Variants in LARGE1 observed in about 807,000 individuals in gnomAD.
LARGE1 encodes the protein xylosyl- and glucuronyltransferase LARGE1.
A neutral mutation model predicts 87.6 loss-of-function variants in LARGE1; 43 were observed. The ratio of observed to expected loss-of-function variants is 0.49; its 90% CI spans 0.38 to 0.63. The LOEUF is 0.63. Among genes scored for constraint, LARGE1 ranks in the 30% least tolerant of loss-of-function variants. The pLI, the probability that LARGE1 is intolerant of heterozygous loss-of-function variation, is 0.00. For synonymous variants in LARGE1, 434 were observed against 394.6 expected, an observed-to-expected ratio of 1.10 and a Z score of -1.18; for missense variants, 802 against 1,000.2, an observed-to-expected ratio of 0.80 and a Z score of 2.67.
At chr22:33,361,881 A>C (rs1359073662) in intron 9 of LARGE1, among the ~76,000 whole-genome samples, 1 of 149,056 alleles carries the variant, frequency 6.7e-6, no homozygotes, top group African/African-American at 2.5e-5. Context: ...GAGAGCAGGA[A>C]CCATGGCTCA....
chr22:33,553,898 C>G (rs568532451), intron 6 of LARGE1, among the ~76,000 whole-genome samples: 26 of 152,180 alleles, frequency 1.7e-4, no homozygotes, highest in Non-Finnish European at 3.2e-4. Flanking sequence ...CCGTGAGAGT[C>G]TGAGCCCTGT....
chr22:33,889,976 G>A (rs1346123985), intron 1 of LARGE1, among the ~76,000 whole-genome samples: 1 of 152,212 alleles, frequency 6.6e-6, no homozygotes, highest in Non-Finnish European at 1.5e-5. Context: ...TGTCAGTGCT[G>A]AAAGGGAGGC....
chr22:33,215,431 C>T (rs1281721942), intron 11 of LARGE1, among the ~76,000 whole-genome samples: 1 of 152,018 alleles, frequency 6.6e-6, no homozygotes, highest in African/African-American at 2.4e-5. Flanking sequence ...TTATCTTTCC[C>T]TTTTTAACTC....
At chr22:33,384,755 T>C (rs2065269381) in intron 7 of LARGE1, among the ~76,000 whole-genome samples, 1 of 148,450 alleles carries the variant, frequency 6.7e-6, no homozygotes, top group Admixed American at 6.7e-5. Flanking sequence ...ACACGGTAAA[T>C]TTATGTTATG....
chr22:33,726,813 T>C (rs1299647807), intron 2 of LARGE1, among the ~76,000 whole-genome samples: 2 of 152,118 alleles, frequency 1.3e-5, no homozygotes, highest in South Asian at 2.1e-4. Context: ...ACTGGGGGAA[T>C]TGGGGTGCAG....
chr22:33,114,565 C>G, the LARGE1 span, among the ~76,000 whole-genome samples: 1 of 152,218 alleles, frequency 6.6e-6, no homozygotes, highest in Admixed American at 6.5e-5. Context: ...AAAAACTCAT[C>G]ATCCAGAGAC....
At chr22:33,850,969 G>A (rs2063567352) in intron 1 of LARGE1, among the ~76,000 whole-genome samples, 1 of 152,160 alleles carries the variant, frequency 6.6e-6, no homozygotes, top group African/African-American at 2.4e-5. Context: ...AGGTTCCTAT[G>A]GCAACCCCCA....
chr22:33,535,339 T>G (rs1272313337), intron 6 of LARGE1, among the ~76,000 whole-genome samples: 1 of 151,604 alleles, frequency 6.6e-6, no homozygotes, highest in African/African-American at 2.4e-5. Context: ...AGGTCAGGAG[T>G]TTGAGATCAG....
At chr22:33,117,164 T>C in the LARGE1 span, among the ~76,000 whole-genome samples, 2 of 152,242 alleles carry the variant, frequency 1.3e-5, no homozygotes, top group Non-Finnish European at 2.9e-5. Flanking sequence ...ACCTTCCTAG[T>C]TACCTTCCTA....
In LARGE1 at chr22:33,586,312, T is replaced by A. The variant is rs573139155; in HGVS notation, c.615+18123A>T. 3.9e-5 allele frequency among the ~76,000 whole-genome samples: 6 copies of A among 152,310 alleles called. No homozygotes were observed. In the East Asian group the frequency reaches 1.2e-3, roughly 29 times the overall value. On this transcript the variant is annotated intron_variant, in intron 5 of 14. Transcript: ENST00000397394. ...TGTGGGTGCTCTTCTACCTGGATTATCCCTTGCAAGTCCTTCTTACAGAGA... is the reference window on the plus strand; with the variant it reads ...TGTGGGTGCTCTTCTACCTGGATTAACCCTTGCAAGTCCTTCTTACAGAGA...
intron 6 of LARGE1, among the ~76,000 whole-genome samples, chr22:33,475,451 TTTA>T (rs1569197034): frequency 6.7e-6 from 1 of 149,702 alleles, no homozygotes; most frequent in Non-Finnish European, 1.5e-5. Context: ...TATTTATTTA[TTTA>T]TTTATTTATT....
chr22:33,509,938 C>G (rs563537451), intron 6 of LARGE1, among the ~76,000 whole-genome samples: 1 of 152,278 alleles, frequency 6.6e-6, no homozygotes, highest in African/African-American at 2.4e-5. Context: ...GGGAAAAAGT[C>G]TCGCCGCTCC....
At chr22:33,730,517 G>A (rs778475488) in intron 2 of LARGE1, among the ~76,000 whole-genome samples, 8 of 152,108 alleles carry the variant, frequency 5.3e-5, no homozygotes, top group African/African-American at 1.7e-4. Context: ...AAGCTTACAC[G>A]AATTTTTGAC....
At chr22:33,774,095 G>A (rs1256611345) in intron 1 of LARGE1, among the ~76,000 whole-genome samples, 1 of 151,186 alleles carries the variant, frequency 6.6e-6, no homozygotes. Flanking sequence ...GTGGAGGGGC[G>A]GATGGAAAAA....
chr22:33,862,211 G>C (rs957220606), intron 1 of LARGE1, among the ~76,000 whole-genome samples: 1 of 152,088 alleles, frequency 6.6e-6, no homozygotes, highest in Non-Finnish European at 1.5e-5. Context: ...GAGAGCTCAC[G>C]GCAAGTGGTG....
At chr22:33,465,619 G>A (rs139119559) in intron 6 of LARGE1, among the ~76,000 whole-genome samples, 13 of 152,316 alleles carry the variant, frequency 8.5e-5, no homozygotes, top group African/African-American at 1.9e-4. Flanking sequence ...ACCATAAGGC[G>A]TTCTTTAAGT....
At chr22:33,160,363 A>C (rs1921982455), downstream of LARGE1, among the ~76,000 whole-genome samples, 2 of 152,220 alleles carry the variant, frequency 1.3e-5, no homozygotes, top group Non-Finnish European at 2.9e-5. Context: ...GTTGAATGAG[A>C]GAAAAAATCA....
At chr22:33,484,778 C>T (rs1040278097) in intron 6 of LARGE1, among the ~76,000 whole-genome samples, 2 of 152,170 alleles carry the variant, frequency 1.3e-5, no homozygotes, top group African/African-American at 2.4e-5. Flanking sequence ...GCTTCTCTTC[C>T]TCTTCACATC....
At chr22:33,307,650 G>A (rs1413019406) in intron 11 of LARGE1, among the ~76,000 whole-genome samples, 4 of 152,106 alleles carry the variant, frequency 2.6e-5, no homozygotes, top group East Asian at 1.9e-4. Flanking sequence ...CCTGGGCACC[G>A]GCATTTCAGG....
Sources: allele counts gnomAD v4.1 joint callset (sites outside exome capture counted in the v4.1 genomes callset), GRCh38; gene constraint gnomAD v4.1.1; transcripts MANE v1.5; gene names NCBI Gene and HGNC (gene_info 2026-07-23, HGNC 2026-07-21).